The following GPC6 variants were observed in gnomAD, a reference collection of about 807,000 sequenced individuals.
GPC6 encodes glypican-6.
In GPC6, 14 loss-of-function variants were observed where a neutral mutation model predicts 55.2. The ratio of observed to expected loss-of-function variants is 0.25; its 90% CI spans 0.17 to 0.40. The LOEUF is 0.40. Among genes scored for constraint, GPC6 ranks in the 10% least tolerant of loss-of-function variants. The pLI is 1.00. For synonymous variants in GPC6, 278 were observed against 259.6 expected (o/e 1.07, Z -0.68); for missense variants, 641 against 708.5 (o/e 0.90, Z 1.08).
At chr13:93,727,391 T>A (rs1341053046) in intron 2 of GPC6, among the ~76,000 whole-genome samples, 3 of 152,108 alleles carry the variant, frequency 2.0e-5, no homozygotes, top group Non-Finnish European at 1.5e-5. Context: ...TCTATCCACA[T>A]TTCATCACTC....
chr13:94,399,939 G>C (rs1198187911), intron 8 of GPC6, among the ~76,000 whole-genome samples: 1 of 152,162 alleles, frequency 6.6e-6, no homozygotes. Context: ...TAAATAAAGT[G>C]CTCTATCATC....
At chr13:93,889,922 A>C (rs942561318) in intron 3 of GPC6, among the ~76,000 whole-genome samples, 21 of 152,132 alleles carry the variant, frequency 1.4e-4, no homozygotes, top group Admixed American at 2.6e-4. Context: ...GGAACCAGTA[A>C]TGCAGTGACA....
intron 6 of GPC6, among the ~76,000 whole-genome samples, chr13:94,328,666 TAAAC>T (rs781131617): frequency 6.6e-6 from 1 of 152,218 alleles, no homozygotes; most frequent in Non-Finnish European, 1.5e-5. Flanking sequence ...ATATAAATTA[TAAAC>T]AAACAAATAA....
chr13:93,693,014 T>C (rs1566489918), intron 2 of GPC6, among the ~76,000 whole-genome samples: 1 of 151,752 alleles, frequency 6.6e-6, no homozygotes, highest in East Asian at 2.0e-4. Flanking sequence ...CTTTTCTTGC[T>C]AAAAAGTAGA....
At chr13:94,089,623 CAA>C (rs78404992) in intron 4 of GPC6, among the ~76,000 whole-genome samples, 120,252 of 151,746 alleles carry the variant, frequency 0.79, 47,925 homozygotes, top group South Asian at 0.88. Context: ...GTGAAATTGC[CAA>C]AAAAAAATGC....
At chr13:94,006,366 A>G (rs887607715) in intron 3 of GPC6, among the ~76,000 whole-genome samples, 2 of 152,152 alleles carry the variant, frequency 1.3e-5, no homozygotes, top group East Asian at 3.9e-4. Flanking sequence ...GATAGCAGCA[A>G]GACAGGCAGA....
chr13:94,193,146 C>T (rs1168374791), intron 4 of GPC6, among the ~76,000 whole-genome samples: 2 of 151,510 alleles, frequency 1.3e-5, no homozygotes, highest in African/African-American at 2.4e-5. Flanking sequence ...ATTATGAATT[C>T]AGTCTTCTTT....
intron 1 of GPC6, among the ~76,000 whole-genome samples, chr13:93,473,782 T>G (rs1365300619): frequency 6.6e-6 from 1 of 152,108 alleles, no homozygotes; most frequent in Non-Finnish European, 1.5e-5. Context: ...CTCCACCTCC[T>G]CCCTGTGTCC....
Position 93,549,830 on chromosome 13 carries a change from A to G in GPC6, c.319+4409A>G, listed in dbSNP as rs1033802124. On this transcript the variant is annotated intron_variant, in intron 2 of 8. Transcript: ENST00000377047. ...CCCTCAAGGAATCTGGAGATTTGAC[A>G]GGGTAAATGACTTGCCAAGTTTCCA... 3.9e-5 allele frequency among the ~76,000 whole-genome samples: 6 copies of G among 152,302 alleles called. No homozygotes were observed. In the East Asian group the frequency reaches 1.2e-3, roughly 29 times the overall value.
intron 7 of GPC6, among the ~76,000 whole-genome samples, chr13:94,389,471 A>G (rs1354928122): frequency 6.6e-6 from 1 of 152,204 alleles, no homozygotes; most frequent in Non-Finnish European, 1.5e-5. Context: ...CAGCAGCAAA[A>G]GAAAAAATAA....
chr13:93,579,750 C>T (rs1876847802), intron 2 of GPC6, among the ~76,000 whole-genome samples: 1 of 152,060 alleles, frequency 6.6e-6, no homozygotes, highest in African/African-American at 2.4e-5. Flanking sequence ...TTGTTTAGGA[C>T]TCATAAGACG....
At chr13:93,329,448 A>C (rs1347677132) in intron 1 of GPC6, among the ~76,000 whole-genome samples, 1 of 152,248 alleles carries the variant, frequency 6.6e-6, no homozygotes, top group Non-Finnish European at 1.5e-5. Flanking sequence ...TGTAAACACT[A>C]TCTCCCTACT....
intron 4 of GPC6, among the ~76,000 whole-genome samples, chr13:94,246,648 T>G (rs1186392470): frequency 2.6e-5 from 4 of 152,104 alleles, no homozygotes; most frequent in Non-Finnish European, 5.9e-5. Context: ...TTGGTGCCCT[T>G]GTTGAAAAGT....
intron 4 of GPC6, among the ~76,000 whole-genome samples, chr13:94,223,596 A>G (rs1890453090): frequency 6.6e-6 from 1 of 152,146 alleles, no homozygotes; most frequent in South Asian, 2.1e-4. Context: ...CCATGAGGAT[A>G]AAAATGCAAA....
At chr13:93,297,953 C>T (rs994698756) in intron 1 of GPC6, among the ~76,000 whole-genome samples, 2 of 152,146 alleles carry the variant, frequency 1.3e-5, no homozygotes, top group Admixed American at 6.5e-5. Flanking sequence ...ACAGCTGTCA[C>T]CACAATTGGC....
intron 1 of GPC6, among the ~76,000 whole-genome samples, chr13:93,446,292 C>T (rs117361256): frequency 0.021 from 3,172 of 152,158 alleles, 53 homozygotes; most frequent in Non-Finnish European, 0.031. Flanking sequence ...GTTTTTCATC[C>T]TAGAGCAGAC....
chr13:94,050,999 A>C (rs1020876185), intron 4 of GPC6, among the ~76,000 whole-genome samples: 4 of 152,188 alleles, frequency 2.6e-5, no homozygotes, highest in Non-Finnish European at 5.9e-5. Context: ...TGGGAATGTG[A>C]TTAGCATTGT....
intron 1 of GPC6, among the ~76,000 whole-genome samples, chr13:93,462,815 G>C (rs1479225796): frequency 6.6e-6 from 1 of 151,934 alleles, no homozygotes; most frequent in African/African-American, 2.4e-5. Context: ...GAATCAAAGG[G>C]GAAGCTCCAC....
rs188705789 is a variant in GPC6 at position 93,764,737 on chromosome 13, G to A, written c.320-65417G>A. Among the ~76,000 whole-genome samples, 482 of 152,166 alleles carry A rather than the reference G, an allele frequency of 3.2e-3. 3 individuals are homozygous for A. The highest frequency in any genetic ancestry group is 2.7e-3 in the Non-Finnish European group (186 of 68,002). ...GCCACAGTTAAAAGAGCAACAGAAG[G>A]AGAAAATATAGTCCTGGAAGACTAG... On this transcript the variant is annotated intron_variant, in intron 2 of 8. Coordinates refer to ENST00000377047, the MANE Select transcript of GPC6 (RefSeq NM_005708.5).
Sources: allele counts gnomAD v4.1 joint callset (sites outside exome capture counted in the v4.1 genomes callset), GRCh38; gene constraint gnomAD v4.1.1; transcripts MANE v1.5; gene names NCBI Gene and HGNC (gene_info 2026-07-23, HGNC 2026-07-21).